KALRN: variants seen among roughly 807,000 people sequenced by gnomAD.
KALRN encodes the protein kalirin RhoGEF kinase.
In KALRN, 70 loss-of-function variants were observed where a neutral mutation model predicts 353.7. The ratio of observed to expected loss-of-function variants is 0.20; its 90% CI spans 0.16 to 0.24. The LOEUF is 0.24. Among genes scored for constraint, KALRN ranks in the 10% least tolerant of loss-of-function variants. KALRN has a pLI of 1.00. For missense variants in KALRN, 2,791 were observed against 3,756.7 expected, an observed-to-expected ratio of 0.74 and a Z score of 6.72; for synonymous variants, 1,391 against 1,434.8, an observed-to-expected ratio of 0.97 and a Z score of 0.69.
intron 37 of KALRN, among the ~76,000 whole-genome samples, chr3:124,650,242 T>C (rs2083268159): frequency 6.6e-6 from 1 of 152,190 alleles, no homozygotes; most frequent in Admixed American, 6.5e-5. Context: ...CCCATCATCA[T>C]AGGACATTTT....
rs1355761 is a variant in KALRN at position 124,611,614 on chromosome 3, C to T, written c.5183-20806C>T. On this transcript the variant is annotated intron_variant, in intron 34 of 59. Coordinates refer to ENST00000682506, the MANE Select transcript of KALRN (RefSeq NM_001388419.1). ...AGAGTGGTCAGAAATTAAAGATTGT[C>T]AATGAAAATGAATCCTATTGCATCA... Among the ~76,000 whole-genome samples, 74 of 152,294 alleles carry T rather than the reference C, an allele frequency of 4.9e-4. No individual in the cohort carries two copies. The South Asian group carries it at 6.0e-3, about 12-fold the overall frequency.
rs2080309591 is a variant in KALRN at position 124,329,709 on chromosome 3, A to G, written c.1285-152A>G. ...TTTCTTACTAGGAGTTAGTGTTCAT[A>G]GAATTAAAAAAACTCTACCCTCTAC... is the stretch of plus-strand genomic sequence containing the variant. On this transcript the variant is annotated intron_variant, in intron 7 of 59. Coordinates refer to ENST00000682506, the MANE Select transcript of KALRN (RefSeq NM_001388419.1). The G allele has an allele frequency of 3.9e-6, 3 of 761,212 alleles. No individual in the cohort carries two copies. In the East Asian group the frequency reaches 8.6e-5, roughly 22 times the overall value. 47.2% of individuals were successfully genotyped at this position (761,212 alleles called of 1,614,324 possible). A position where few individuals can be genotyped will look rare whatever the true frequency, so the allele number is the denominator to read the frequency against.
chr3:124,321,971 A>T (rs1404267619), intron 6 of KALRN, among the ~76,000 whole-genome samples: 6 of 152,208 alleles, frequency 3.9e-5, no homozygotes, highest in Admixed American at 1.3e-4. Context: ...TGAGGAAAGG[A>T]TTTAAGAAGA....
chr3:124,111,210 C>T (rs2062936768), intron 1 of KALRN, among the ~76,000 whole-genome samples: 1 of 152,156 alleles, frequency 6.6e-6, no homozygotes, highest in African/African-American at 2.4e-5. Context: ...TCCATTCTAC[C>T]ATCCTGATAG....
chr3:124,157,869 G>A (rs555145526), intron 1 of KALRN, among the ~76,000 whole-genome samples: 1 of 152,218 alleles, frequency 6.6e-6, no homozygotes, highest in South Asian at 2.1e-4. Flanking sequence ...TTTCCCCTGC[G>A]AATGCCCCTG....
At chr3:124,250,301 T>A (rs1027572668) in intron 3 of KALRN, among the ~76,000 whole-genome samples, 9 of 152,168 alleles carry the variant, frequency 5.9e-5, no homozygotes, top group African/African-American at 2.2e-4. Context: ...AGAGCCCAGC[T>A]GGAGAGTGTG....
intron 5 of KALRN, among the ~76,000 whole-genome samples, chr3:124,296,733 C>T (rs1049003832): frequency 6.6e-6 from 1 of 152,232 alleles, no homozygotes; most frequent in Non-Finnish European, 1.5e-5. Context: ...TGTCAGGCTC[C>T]AGAAACACAG....
intron 1 of KALRN, among the ~76,000 whole-genome samples, chr3:124,053,788 G>T (rs912761378): frequency 4.6e-5 from 7 of 152,210 alleles, no homozygotes; most frequent in Non-Finnish European, 8.8e-5. Context: ...ATCATGTTGG[G>T]TTCTTGACAC....
At chr3:124,477,140 T>C (rs572145) in intron 26 of KALRN, 105 bp from the exon 27 acceptor site, 653,759 of 655,940 alleles carry the variant, frequency 1, 325,817 homozygotes, top group East Asian at 1. Context: ...TAGACACTGG[T>C]GTCTGAGGGT....
At chr3:124,637,393 C>G (rs1044969016) in intron 37 of KALRN, 90 bp downstream of exon 37, 5 of 937,234 alleles carry the variant, frequency 5.3e-6, no homozygotes, top group Middle Eastern at 2.8e-4. Context: ...TCCTTTGCAC[C>G]TGTCCTCATT....
chr3:124,719,788 A>G lies in KALRN; in HGVS notation c.*318A>G, dbSNP rs1319828625. On this transcript the variant is annotated 3_prime_UTR_variant, in exon 60 of 60. Transcript: ENST00000682506. This position sits in a 1 kb window ranked among gnomAD's most constrained non-coding sequence, Gnocchi z 5.3. ...ACTGTATCTTCCAAAATGAGTGGTTAACTGGGCAAACCTTAAGCTCACAAG... is the reference window on the plus strand; with the variant it reads ...ACTGTATCTTCCAAAATGAGTGGTTGACTGGGCAAACCTTAAGCTCACAAG... 3.3e-5 allele frequency: 8 copies of G among 240,712 alleles called. No homozygotes were observed. Among genetic ancestry groups the G allele is most frequent in the Non-Finnish European group, 2.4e-5 (3 of 122,926 alleles). 14.9% of individuals were successfully genotyped at this position (240,712 alleles called of 1,614,324 possible).
intron 15 of KALRN, among the ~76,000 whole-genome samples, chr3:124,426,095 T>C (rs1020055864): frequency 6.6e-6 from 1 of 152,198 alleles, no homozygotes; most frequent in Non-Finnish European, 1.5e-5. Context: ...GCCAAGGGAC[T>C]GCTGCTTGGT....
intron 1 of KALRN, among the ~76,000 whole-genome samples, chr3:124,063,248 G>A (rs766704838): frequency 1.4e-4 from 21 of 152,192 alleles, no homozygotes; most frequent in African/African-American, 2.2e-4. Flanking sequence ...AGGGTTCAGC[G>A]TCTTTAATCA....
intron 10 of KALRN, among the ~76,000 whole-genome samples, chr3:124,349,007 C>T (rs1339879123): frequency 6.6e-6 from 1 of 152,184 alleles, no homozygotes; most frequent in Admixed American, 6.5e-5. Flanking sequence ...GTGTGAGCCA[C>T]CGTGCCCAGC....
chr3:124,368,712 G>C (rs1348675184), intron 10 of KALRN, among the ~76,000 whole-genome samples: 3 of 148,508 alleles, frequency 2.0e-5, no homozygotes, highest in African/African-American at 7.4e-5. Flanking sequence ...AAGGCAGGCG[G>C]CTGGGAGGTG....
chr3:124,479,881 GC>G (rs2061808276), intron 27 of KALRN, among the ~76,000 whole-genome samples: 1 of 151,916 alleles, frequency 6.6e-6, no homozygotes, highest in Non-Finnish European at 1.5e-5. Context: ...CCACCACCAC[GC>G]CTGGCTAATT....
chr3:124,101,354 G>T (rs2061847718), intron 1 of KALRN, among the ~76,000 whole-genome samples: 1 of 152,158 alleles, frequency 6.6e-6, no homozygotes, highest in Non-Finnish European at 1.5e-5. Context: ...GCATTAGGTG[G>T]GCATTGTCCA....
intron 10 of KALRN, among the ~76,000 whole-genome samples, chr3:124,366,681 G>A (rs1023103367): frequency 2.0e-5 from 3 of 151,784 alleles, no homozygotes; most frequent in Admixed American, 2.0e-4. Flanking sequence ...CCACAAAACC[G>A]CCATTGTCAT....
At chr3:124,718,437 T>C (rs1413132470) in intron 59 of KALRN, among the ~76,000 whole-genome samples, 1 of 152,062 alleles carries the variant, frequency 6.6e-6, no homozygotes, top group Non-Finnish European at 1.5e-5. Context: ...TTATGACTAT[T>C]AAAGAGAATC....
Sources: gnomAD v4.1 joint callset for allele counts (sites outside exome capture counted in the v4.1 genomes callset) on GRCh38, gnomAD v4.1.1 for gene constraint, Gnocchi (gnomAD v3.1) non-coding constraint, MANE v1.5 for transcripts, NCBI Gene and HGNC (gene_info 2026-07-23, HGNC 2026-07-21) for gene names.